CNTNAP2: variants seen among roughly 807,000 people sequenced by gnomAD.
CNTNAP2 encodes the protein contactin associated protein 2, also known as contactin-associated protein-like 2.
CNTNAP2 carries 98 observed loss-of-function variants against 155.2 expected under a neutral mutation model. That is an observed-to-expected ratio of 0.63 (90% CI 0.54 to 0.75). CNTNAP2 has a LOEUF of 0.75. Among genes scored for constraint, CNTNAP2 ranks in the 30% least tolerant of loss-of-function variants. The pLI, the probability that CNTNAP2 is intolerant of heterozygous loss-of-function variation, is 0.00. For synonymous variants in CNTNAP2, 651 were observed against 631.2 expected (o/e 1.03, Z -0.47); for missense variants, 1,727 against 1,688.1 (o/e 1.02, Z -0.40).
intron 15 of CNTNAP2, among the ~76,000 whole-genome samples, chr7:148,006,804 T>C (rs1171616238): frequency 1.3e-5 from 2 of 152,202 alleles, no homozygotes; most frequent in East Asian, 3.8e-4. Context: ...TATTCCGTTC[T>C]TTCATGAAAG....
chr7:147,333,168 C>A (rs1195822272), intron 9 of CNTNAP2, among the ~76,000 whole-genome samples: 1 of 152,108 alleles, frequency 6.6e-6, no homozygotes, highest in Non-Finnish European at 1.5e-5. Context: ...CAAGCCAAGA[C>A]AGATGGAACT....
intron 8 of CNTNAP2, among the ~76,000 whole-genome samples, chr7:147,211,352 CATTGA>C (rs1274296888): frequency 2.6e-5 from 4 of 151,924 alleles, no homozygotes; most frequent in Non-Finnish European, 5.9e-5. Flanking sequence ...TACGTCTTCT[CATTGA>C]ATTGAACTCT....
intron 11 of CNTNAP2, among the ~76,000 whole-genome samples, chr7:147,554,441 A>C (rs557869273): frequency 3.9e-5 from 6 of 152,228 alleles, no homozygotes; most frequent in African/African-American, 1.4e-4. Flanking sequence ...GATCAAACAA[A>C]AGAAAAAATG....
chr7:147,661,512 T>C (rs137888080), intron 13 of CNTNAP2, among the ~76,000 whole-genome samples: 2,505 of 152,092 alleles, frequency 0.016, 221 homozygotes, highest in Admixed American at 0.15. Flanking sequence ...CTGTTCTGAT[T>C]TCCAAATTCA....
chr7:147,497,243 T>A (rs1002386648), intron 11 of CNTNAP2: 2 of 152,190 alleles, frequency 1.3e-5, no homozygotes, highest in African/African-American at 2.4e-5. Flanking sequence ...TCGTAGTCCC[T>A]TAGTTTCATC....
intron 13 of CNTNAP2, among the ~76,000 whole-genome samples, chr7:147,707,178 A>G (rs1488971008): frequency 7.2e-5 from 11 of 152,058 alleles, no homozygotes; most frequent in Admixed American, 7.2e-4. Context: ...CTTTGAAAGT[A>G]TCCTTGTTTT....
chr7:148,000,938 G>C (rs1801884920), intron 15 of CNTNAP2, among the ~76,000 whole-genome samples: 1 of 152,172 alleles, frequency 6.6e-6, no homozygotes, highest in Admixed American at 6.6e-5. Flanking sequence ...TCCAGATTCT[G>C]GGGGCTCACG....
At chr7:146,969,283 T>C (rs1279424932) in intron 3 of CNTNAP2, among the ~76,000 whole-genome samples, 5 of 152,124 alleles carry the variant, frequency 3.3e-5, no homozygotes, top group Non-Finnish European at 5.9e-5. Flanking sequence ...AAAATGTATA[T>C]TCTGTTGATT....
rs144063073 is a variant in CNTNAP2 at position 146,250,235 on chromosome 7, C to T, written c.97+133262C>T. Among the ~76,000 whole-genome samples, 1,144 of 152,202 alleles carry T rather than the reference C, an allele frequency of 7.5e-3. 16 individuals carry two copies. The highest frequency in any genetic ancestry group is 0.025 in the African/African-American group (1,046 of 41,522). The stretch of plus-strand genomic sequence containing the variant: ...GTCTGAGGCTTCTTATGATAATTGA[C>T]TTTAAATATGTAGAGCATCTAATAC... On this transcript the variant is annotated intron_variant, in intron 1 of 23. Transcript: ENST00000361727.
At chr7:146,764,841 A>G (rs1326381744) in intron 1 of CNTNAP2, among the ~76,000 whole-genome samples, 1 of 152,184 alleles carries the variant, frequency 6.6e-6, no homozygotes. Flanking sequence ...ATCTGAACTA[A>G]TTTTTAAGAT....
At chr7:146,142,824 C>T (rs1459732296) in intron 1 of CNTNAP2, among the ~76,000 whole-genome samples, 2 of 152,134 alleles carry the variant, frequency 1.3e-5, no homozygotes, top group African/African-American at 2.4e-5. Context: ...AAAGTGTTTA[C>T]ATTTATCATA....
intron 21 of CNTNAP2, among the ~76,000 whole-genome samples, chr7:148,270,910 G>T (rs765925696): frequency 1.3e-5 from 2 of 152,126 alleles, no homozygotes; most frequent in African/African-American, 4.8e-5. Flanking sequence ...GAACACAAAT[G>T]CCTACTTGCA....
chr7:148,414,495 TCA>T (rs1799932323), intron 23 of CNTNAP2, among the ~76,000 whole-genome samples: 1 of 147,790 alleles, frequency 6.8e-6, no homozygotes, highest in African/African-American at 2.6e-5. Flanking sequence ...TGTACTGTCC[TCA>T]TCTGCTCATT....
At chr7:146,321,178 G>A (rs768571916) in intron 1 of CNTNAP2, among the ~76,000 whole-genome samples, 3 of 152,080 alleles carry the variant, frequency 2.0e-5, no homozygotes, top group Non-Finnish European at 4.4e-5. Context: ...TAGGGTAGCC[G>A]AAATGAAACC....
chr7:147,598,258 G>C (rs566377271), intron 12 of CNTNAP2, among the ~76,000 whole-genome samples: 1 of 150,852 alleles, frequency 6.6e-6, no homozygotes, highest in Non-Finnish European at 1.5e-5. Context: ...GTGGTTTGTT[G>C]TACCTATCAA....
chr7:147,157,080 A>G (rs929912664), intron 8 of CNTNAP2, among the ~76,000 whole-genome samples: 8 of 152,054 alleles, frequency 5.3e-5, no homozygotes, highest in African/African-American at 1.9e-4. Flanking sequence ...TAGCCCAAGA[A>G]AACAGAATAT....
chr7:146,791,733 A>T (rs1802677062), intron 2 of CNTNAP2, among the ~76,000 whole-genome samples: 1 of 152,228 alleles, frequency 6.6e-6, no homozygotes, highest in Non-Finnish European at 1.5e-5. Flanking sequence ...AATGGCAAGG[A>T]TTCACTAAGG....
intron 4 of CNTNAP2, among the ~76,000 whole-genome samples, chr7:147,070,373 T>G (rs1799867699): frequency 6.6e-6 from 1 of 152,210 alleles, no homozygotes. Flanking sequence ...TATCAATTCT[T>G]CTGTAGCCAA....
chr7:147,579,478 T>C (rs562905756), intron 12 of CNTNAP2, among the ~76,000 whole-genome samples: 2 of 152,230 alleles, frequency 1.3e-5, no homozygotes, highest in South Asian at 2.1e-4. Flanking sequence ...GTGATACAGT[T>C]GTTGCTGTCA....
Sources: allele counts gnomAD v4.1 joint callset (sites outside exome capture counted in the v4.1 genomes callset), GRCh38; gene constraint gnomAD v4.1.1; transcripts MANE v1.5; gene names NCBI Gene and HGNC (gene_info 2026-07-23, HGNC 2026-07-21).